STK35: variants seen among roughly 807,000 people sequenced by gnomAD.
The protein encoded by STK35 is serine/threonine kinase 35, also known as serine/threonine-protein kinase 35.
A neutral mutation model predicts 37.3 loss-of-function variants in STK35; 17 were observed. The ratio of observed to expected loss-of-function variants is 0.46; its 90% CI spans 0.31 to 0.68. STK35 has a LOEUF of 0.68. STK35 is among the 30% of genes least tolerant of loss of function. The pLI, the probability that STK35 is intolerant of heterozygous loss-of-function variation, is 0.05. For synonymous variants in STK35, 385 were observed against 319.1 expected (o/e 1.21, Z -2.20); for missense variants, 595 against 746.7 (o/e 0.80, Z 2.37).
intron 3 of STK35, among the ~76,000 whole-genome samples, chr20:2,127,773 C>T (rs6112937): frequency 0.34 from 51,363 of 151,892 alleles, 10,297 homozygotes; most frequent in East Asian, 0.93. Context: ...CAACAGCCGT[C>T]GTGATAATGC....
At position 2,117,432 on chromosome 20, in the gene STK35, G is replaced by A; in HGVS notation, c.*37+17G>A. 6.9e-7 allele frequency: 1 copy of A among 1,442,902 alleles called. No individual in the cohort carries two copies. Among genetic ancestry groups the A allele is most frequent in the Non-Finnish European group, 9.4e-7 (1 of 1,060,598 alleles). 89.4% of individuals were successfully genotyped at this position (1,442,902 alleles called of 1,614,324 possible). A position where few individuals can be genotyped will look rare whatever the true frequency, so the allele number is the denominator to read the frequency against. Reference sequence around the variant, plus strand: ...TTAAACTAGGTGAGTGCTCTCTGTTGTTGTTTTTTGTTTTTTGTTTTGAGA... The same window carrying A: ...TTAAACTAGGTGAGTGCTCTCTGTTATTGTTTTTTGTTTTTTGTTTTGAGA... On this transcript the variant is annotated intron_variant, in intron 3 of 3. Transcript: ENST00000381482. This position sits in a 1 kb window ranked among gnomAD's most constrained non-coding sequence, Gnocchi z 4.4.
At position 2,102,823 on chromosome 20, in the gene STK35, C is replaced by A. The variant is rs866956872; in HGVS notation, c.350C>A (p.Ala117Glu). The change falls in exon 2 of 4, where the codon GCA becomes GAA. Residue 117 changes from alanine to glutamate, a missense_variant. Coordinates refer to ENST00000381482, the MANE Select transcript of STK35 (RefSeq NM_080836.4). The part of the protein sequence containing the change: ...PRPRAGRRDE[A>E]GGARAAPLLL... ...CCCAGGGCCGGACGGAGGGATGAGGCAGGGGGGGCCCGGGCAGCGCCGTTG... is the reference window on the plus strand; with the variant it reads ...CCCAGGGCCGGACGGAGGGATGAGGAAGGGGGGGCCCGGGCAGCGCCGTTG... 51 of 1,525,708 alleles carry A rather than the reference C, an allele frequency of 3.3e-5. 2 individuals are homozygous for A. The Admixed American group carries it at 9.0e-4, about 27-fold the overall frequency. 94.5% of individuals were successfully genotyped at this position (1,525,708 alleles called of 1,614,324 possible). A position where few individuals can be genotyped will look rare whatever the true frequency, so the allele number is the denominator to read the frequency against.
intron 3 of STK35, among the ~76,000 whole-genome samples, chr20:2,130,828 A>G (rs1262212368): frequency 2.0e-5 from 3 of 152,158 alleles, no homozygotes; most frequent in African/African-American, 7.2e-5. Context: ...CTGGACGGTC[A>G]GCCAGTGGGG....
At position 2,144,099 on chromosome 20, in the gene STK35, T is replaced by C; in HGVS notation, c.*353T>C. ...GCATATGTGTAAATTTCACTTTTAC[T>C]TTTTATAAGGGGTTAGGGAGCTATT... On this transcript the variant is annotated 3_prime_UTR_variant, in exon 4 of 4. Transcript: ENST00000381482. The C allele has an allele frequency of 3.0e-6, 1 of 331,816 alleles. No individual in the cohort carries two copies. 20.6% of individuals were successfully genotyped at this position (331,816 alleles called of 1,614,324 possible).
intron 3 of STK35, among the ~76,000 whole-genome samples, chr20:2,129,503 T>A (rs1427721509): frequency 6.6e-6 from 1 of 151,484 alleles, no homozygotes; most frequent in African/African-American, 2.4e-5. Context: ...TGTTTCCCCC[T>A]CCCCCACCAA....
intron 3 of STK35, among the ~76,000 whole-genome samples, chr20:2,133,944 T>G (rs913792875): frequency 4.6e-5 from 7 of 152,150 alleles, no homozygotes; most frequent in Non-Finnish European, 1.5e-5. Context: ...TTTCCCTCAG[T>G]AAGTCATACC....
At chr20:2,120,462 C>G (rs1012893764) in intron 3 of STK35, among the ~76,000 whole-genome samples, 3 of 152,342 alleles carry the variant, frequency 2.0e-5, no homozygotes, top group Admixed American at 2.0e-4. Flanking sequence ...ATAGCCTATC[C>G]TCCCCTGTCT....
chr20:2,102,470 C>G (rs1438589512), intron 1 of STK35, among the ~76,000 whole-genome samples: 1 of 152,250 alleles, frequency 6.6e-6, no homozygotes, highest in Non-Finnish European at 1.5e-5. Flanking sequence ...AATCGCGTCT[C>G]TAAGCGGTTT....
chr20:2,117,771 C>T lies in STK35; in HGVS notation c.*37+356C>T, dbSNP rs1275748371. Reference sequence around the variant, plus strand: ...CTCTTTTTTTTCTGTATGCCCACTTCTTGGACCGGGTTCTTCATTCTGGAC... The same window carrying T: ...CTCTTTTTTTTCTGTATGCCCACTTTTTGGACCGGGTTCTTCATTCTGGAC... On this transcript the variant is annotated intron_variant, in intron 3 of 3. Transcript: ENST00000381482. This position sits in a 1 kb window ranked among gnomAD's most constrained non-coding sequence, Gnocchi z 4.4. Among the ~76,000 whole-genome samples, 1 of 152,118 alleles carries T rather than the reference C, an allele frequency of 6.6e-6. No individual in the cohort carries two copies. Among genetic ancestry groups the T allele is most frequent in the East Asian group, 1.9e-4 (1 of 5,188 alleles).
chr20:2,115,426 G>A (rs1600604230), intron 2 of STK35, among the ~76,000 whole-genome samples: 1 of 152,068 alleles, frequency 6.6e-6, no homozygotes, highest in African/African-American at 2.4e-5. Flanking sequence ...CCAGAGAGAG[G>A]ACTTCTCTTC....
Position 2,117,427 on chromosome 20 carries a change from CTG to C in STK35, c.*37+14_*37+15del, listed in dbSNP as rs747675991. 1 of 1,466,548 alleles carries C rather than the reference CTG, an allele frequency of 6.8e-7. No homozygotes were observed. The highest frequency in any genetic ancestry group is 2.1e-5 in the Admixed American group (1 of 48,696). The allele number at this position is 1,466,548 out of a possible 1,614,324, so 90.8% of individuals were successfully genotyped here. A position where few individuals can be genotyped will look rare whatever the true frequency, so the allele number is the denominator to read the frequency against. Reference sequence around the variant, plus strand: ...TGATTTTAAACTAGGTGAGTGCTCTCTGTTGTTGTTTTTTGTTTTTTGTTTTG... The same window carrying C: ...TGATTTTAAACTAGGTGAGTGCTCTCTTGTTGTTTTTTGTTTTTTGTTTTG... On this transcript the variant is annotated intron_variant, in intron 3 of 3. Coordinates refer to ENST00000381482, the MANE Select transcript of STK35 (RefSeq NM_080836.4). This position sits in a 1 kb window ranked among gnomAD's most constrained non-coding sequence, Gnocchi z 4.4.
At position 2,102,822 on chromosome 20, in the gene STK35, G is replaced by C; in HGVS notation, c.349G>C (p.Ala117Pro). ...PRPRAGRRDEAGGARAAPLLL... is the reference protein window; with the variant it reads ...PRPRAGRRDEPGGARAAPLLL... ...TCCCAGGGCCGGACGGAGGGATGAG[G>C]CAGGGGGGGCCCGGGCAGCGCCGTT... Residue 117 changes from alanine (A) to proline (P), a missense_variant, in exon 2 of 4, where the codon GCA becomes CCA. Transcript: ENST00000381482. 1 of 1,525,040 alleles carries C rather than the reference G, an allele frequency of 6.6e-7. No individual in the cohort carries two copies. Among genetic ancestry groups the C allele is most frequent in the Non-Finnish European group, 8.8e-7 (1 of 1,142,596 alleles). 94.5% of individuals were successfully genotyped at this position (1,525,040 alleles called of 1,614,324 possible). A position where few individuals can be genotyped will look rare whatever the true frequency, so the allele number is the denominator to read the frequency against.
intron 3 of STK35, among the ~76,000 whole-genome samples, chr20:2,121,843 C>T (rs1486468748): frequency 1.3e-5 from 2 of 152,050 alleles, no homozygotes; most frequent in African/African-American, 4.8e-5. Context: ...TACTCATGAA[C>T]AATTTTGGTG....
chr20:2,113,229 A>G (rs1193394868), intron 2 of STK35, among the ~76,000 whole-genome samples: 1 of 152,242 alleles, frequency 6.6e-6, no homozygotes, highest in South Asian at 2.1e-4. Context: ...AAGACTGAGT[A>G]AGAAATCTAG....
At chr20:2,143,622 G>A (rs1340446329) in intron 3 of STK35, among the ~76,000 whole-genome samples, 162 bp from the exon 4 acceptor site, 2 of 152,184 alleles carry the variant, frequency 1.3e-5, no homozygotes, top group Admixed American at 6.5e-5. Flanking sequence ...ATAAGCATGT[G>A]TGAATAAGAC....
At chr20:2,107,018 G>A (rs1258327776) in intron 2 of STK35, among the ~76,000 whole-genome samples, 1 of 152,204 alleles carries the variant, frequency 6.6e-6, no homozygotes. Flanking sequence ...TTGGTTGAAG[G>A]GTTGGTGCCT....
chr20:2,124,547 G>T (rs1397833944), intron 3 of STK35, among the ~76,000 whole-genome samples: 1 of 152,144 alleles, frequency 6.6e-6, no homozygotes, highest in Non-Finnish European at 1.5e-5. Context: ...TCTTGATGAT[G>T]ATCAATTCTT....
intron 2 of STK35, among the ~76,000 whole-genome samples, chr20:2,110,800 G>A (rs1301180850): frequency 1.3e-5 from 2 of 152,172 alleles, no homozygotes; most frequent in African/African-American, 4.8e-5. Context: ...AACTCTGGGG[G>A]GCACGCATCA....
At chr20:2,135,092 A>G (rs2122581232) in intron 3 of STK35, among the ~76,000 whole-genome samples, 1 of 152,288 alleles carries the variant, frequency 6.6e-6, no homozygotes, top group East Asian at 1.9e-4. Flanking sequence ...GCCTGGAACC[A>G]GGTTTCCCAC....
Sources: gnomAD v4.1 joint callset for allele counts (sites outside exome capture counted in the v4.1 genomes callset) on GRCh38, gnomAD v4.1.1 for gene constraint, Gnocchi (gnomAD v3.1) non-coding constraint, MANE v1.5 for transcripts, NCBI Gene and HGNC (gene_info 2026-07-23, HGNC 2026-07-21) for gene names.